LINGO2: variants seen among roughly 807,000 people sequenced by gnomAD.
The protein encoded by LINGO2 is leucine-rich repeat and immunoglobulin-like domain-containing nogo receptor-interacting protein 2.
LINGO2 carries 14 observed loss-of-function variants against 30.6 expected under a neutral mutation model. That is an observed-to-expected ratio of 0.46 (90% CI 0.30 to 0.72). The LOEUF is 0.72. LINGO2 is among the 30% of genes least tolerant of loss of function. The pLI, the probability that LINGO2 is intolerant of heterozygous loss-of-function variation, is 0.07. For missense variants in LINGO2, 729 were observed against 751.7 expected (o/e 0.97, Z 0.35); for synonymous variants, 317 against 288.5 (o/e 1.10, Z -1.00).
In LINGO2 at chr9:28,150,642, T is replaced by A. The variant is rs138328534; in HGVS notation, c.-86-138237A>T. ...TTGGGACAGGAGGAACAAGAGGTTC[T>A]GGTTGCCACTCTTCAATCAGTTCTT... is the stretch of plus-strand genomic sequence containing the variant. On this transcript the variant is annotated intron_variant, in intron 4 of 5. Coordinates refer to ENST00000379992, the Ensembl canonical transcript of LINGO2. Among the ~76,000 whole-genome samples the A allele has an allele frequency of 7.1e-3, 1,086 of 152,364 alleles. 22 individuals are homozygous for A. Among genetic ancestry groups the A allele is most frequent in the African/African-American group, 0.023 (977 of 41,586 alleles).
chr9:28,871,187 G>T, the LINGO2 span, among the ~76,000 whole-genome samples: 4 of 151,324 alleles, frequency 2.6e-5, 1 homozygote, highest in Non-Finnish European at 5.9e-5. Context: ...GATACTAAAG[G>T]TATATAATAA....
At chr9:28,812,768 A>G in the LINGO2 span, among the ~76,000 whole-genome samples, 1 of 152,170 alleles carries the variant, frequency 6.6e-6, no homozygotes. Context: ...AAAGCAAGAG[A>G]GACATGGTCT....
the LINGO2 span, among the ~76,000 whole-genome samples, chr9:29,083,111 C>T: frequency 6.6e-6 from 1 of 152,118 alleles, no homozygotes; most frequent in African/African-American, 2.4e-5. Flanking sequence ...GTAAAACATG[C>T]TGCTATAAAG....
intron 1 of LINGO2, among the ~76,000 whole-genome samples, chr9:28,642,771 G>A (rs1827652975): frequency 6.6e-6 from 1 of 152,082 alleles, no homozygotes; most frequent in Non-Finnish European, 1.5e-5. Flanking sequence ...TGGCATATAT[G>A]ACCTATTATC....
intron 3 of LINGO2, among the ~76,000 whole-genome samples, chr9:28,321,935 T>C (rs1387180832): frequency 1.3e-5 from 2 of 152,234 alleles, no homozygotes; most frequent in African/African-American, 2.4e-5. Flanking sequence ...AACTCAACAA[T>C]TTAATTTTGA....
intron 2 of LINGO2, among the ~76,000 whole-genome samples, chr9:28,434,781 C>T (rs1050852052): frequency 6.6e-6 from 1 of 152,024 alleles, no homozygotes; most frequent in African/African-American, 2.4e-5. Flanking sequence ...ATTTTATTCT[C>T]TAGTCTGAGT....
intron 3 of LINGO2, among the ~76,000 whole-genome samples, chr9:28,354,499 A>G (rs1247857014): frequency 6.6e-6 from 1 of 152,184 alleles, no homozygotes; most frequent in Non-Finnish European, 1.5e-5. Context: ...TTGCTTCTCA[A>G]TTCTTTCAAT....
intron 4 of LINGO2, among the ~76,000 whole-genome samples, chr9:28,133,558 A>C (rs1827434380): frequency 6.6e-6 from 1 of 152,182 alleles, no homozygotes; most frequent in Non-Finnish European, 1.5e-5. Context: ...AAACTTTCAC[A>C]CTAAGAGTGA....
chr9:28,483,089 C>A (rs1826039768), intron 1 of LINGO2, among the ~76,000 whole-genome samples: 1 of 151,986 alleles, frequency 6.6e-6, no homozygotes. Context: ...CTAAAACGTG[C>A]AAGGTATTGG....
intron 5 of LINGO2, among the ~76,000 whole-genome samples, chr9:27,977,894 T>C (rs16912187): frequency 0.051 from 7,730 of 152,008 alleles, 372 homozygotes; most frequent in Admixed American, 0.1. Flanking sequence ...TTAAACAAAG[T>C]GGTGAGGCTA....
intron 5 of LINGO2, among the ~76,000 whole-genome samples, chr9:27,980,823 G>C (rs745956431): frequency 1.5e-4 from 23 of 151,812 alleles, no homozygotes; most frequent in Non-Finnish European, 3.1e-4. Context: ...AAGGCAATAG[G>C]GGAAGTGCTT....
chr9:27,956,643 C>T (rs1250898479), intron 5 of LINGO2, among the ~76,000 whole-genome samples: 1 of 151,934 alleles, frequency 6.6e-6, no homozygotes, highest in East Asian at 1.9e-4. Flanking sequence ...AGATTTTCTC[C>T]TATGTATTCT....
rs1825906922 is a variant in LINGO2 at position 28,086,131 on chromosome 9, C to T, written c.-86-73726G>A. Among the ~76,000 whole-genome samples, 5 of 152,144 alleles carry T rather than the reference C, an allele frequency of 3.3e-5. No individual in the cohort carries two copies. The South Asian group carries it at 8.3e-4, about 25-fold the overall frequency. On this transcript the variant is annotated intron_variant, in intron 4 of 5. Transcript: ENST00000379992. ...CAGTTAACAGTGGGAGGGAAACTTA[C>T]TTTTCACTGAAACACTTTTATGTCA...
chr9:27,948,681 C>G, exon 6 of LINGO2: 1 of 745,270 alleles, frequency 1.3e-6, no homozygotes, highest in African/African-American at 1.7e-5. Flanking sequence ...GCCTGCCTGC[C>G]TGCCTTTCGA....
chr9:28,714,188 T>TATACAC, the LINGO2 span, among the ~76,000 whole-genome samples: 3 of 73,366 alleles, frequency 4.1e-5, no homozygotes, highest in African/African-American at 1.8e-4. Context: ...TATATATATA[T>TATACAC]ACACACATAC....
At chr9:28,796,590 T>A in the LINGO2 span, among the ~76,000 whole-genome samples, 45 of 152,164 alleles carry the variant, frequency 3.0e-4, no homozygotes, top group African/African-American at 1.1e-3. Context: ...TAGGAAGGTG[T>A]CAGCAATTAG....
At chr9:28,640,708 A>C (rs1243388437) in intron 1 of LINGO2, among the ~76,000 whole-genome samples, 1 of 151,874 alleles carries the variant, frequency 6.6e-6, no homozygotes, top group Non-Finnish European at 1.5e-5. Context: ...TGCATTGGTT[A>C]TTCTAGTTAG....
intron 4 of LINGO2, among the ~76,000 whole-genome samples, chr9:28,234,929 C>A (rs1033770561): frequency 7.2e-5 from 11 of 152,146 alleles, no homozygotes; most frequent in Non-Finnish European, 1.5e-4. Flanking sequence ...GGTCTGAGTG[C>A]CAGCTAGGAT....
chr9:28,732,353 CA>C, the LINGO2 span, among the ~76,000 whole-genome samples: 12 of 144,294 alleles, frequency 8.3e-5, no homozygotes, highest in African/African-American at 7.7e-5. Flanking sequence ...CACATTATTC[CA>C]AAAAAAAATG....
Sources: gnomAD v4.1 joint callset for allele counts (sites outside exome capture counted in the v4.1 genomes callset) on GRCh38, gnomAD v4.1.1 for gene constraint, MANE v1.5 for transcripts, NCBI Gene and HGNC (gene_info 2026-07-23, HGNC 2026-07-21) for gene names.